The following LRRC8C variants were observed in gnomAD, a reference collection of about 807,000 sequenced individuals.
The protein encoded by LRRC8C is volume-regulated anion channel subunit LRRC8C.
Under a neutral mutation model 55.3 loss-of-function variants are expected in LRRC8C, and 20 were observed. That is an observed-to-expected ratio of 0.36 (90% CI 0.25 to 0.53). The LOEUF (loss-of-function observed/expected upper bound fraction) is 0.53, where lower values mean the gene tolerates loss of function less well. Among genes scored for constraint, LRRC8C ranks in the 20% least tolerant of loss-of-function variants. The pLI is 0.92. For synonymous variants in LRRC8C, 376 were observed against 360.7 expected (o/e 1.04, Z -0.48); for missense variants, 659 against 951.4 (o/e 0.69, Z 4.04).
At chr1:89,646,392 A>G (rs1438084952) in intron 1 of LRRC8C, among the ~76,000 whole-genome samples, 2 of 152,156 alleles carry the variant, frequency 1.3e-5, no homozygotes, top group Non-Finnish European at 2.9e-5. Context: ...ACAAAGCCTG[A>G]CAGAAATTTT....
intron 2 of LRRC8C, among the ~76,000 whole-genome samples, chr1:89,694,370 G>C (rs1658107122): frequency 6.6e-6 from 1 of 152,032 alleles, no homozygotes; most frequent in South Asian, 2.1e-4. Flanking sequence ...TAAGACTTGT[G>C]GGGCATGGTA....
rs181268814 is a variant in LRRC8C, at chr1:89,637,785, A to G, written c.-5+4463A>G. Among the ~76,000 whole-genome samples, 544 of 152,312 alleles carry G rather than the reference A, an allele frequency of 3.6e-3. 4 individuals carry two copies. Among genetic ancestry groups the G allele is most frequent in the Non-Finnish European group, 3.7e-3 (251 of 68,020 alleles). Reference sequence around the variant, plus strand: ...AATGATTACAAGATAGAAAATGTCTAAGCTCTTTTCCAATAGCAGGCATAA... The same window carrying G: ...AATGATTACAAGATAGAAAATGTCTGAGCTCTTTTCCAATAGCAGGCATAA... On this transcript the variant is annotated intron_variant, in intron 1 of 2. Transcript: ENST00000370454.
intron 2 of LRRC8C, among the ~76,000 whole-genome samples, chr1:89,701,537 G>A (rs1658324911): frequency 1.3e-5 from 2 of 151,904 alleles, no homozygotes; most frequent in African/African-American, 4.8e-5. Context: ...CGAGGATATA[G>A]GAAAGTAAGT....
chr1:89,663,297 G>A (rs1331793496), intron 1 of LRRC8C, among the ~76,000 whole-genome samples: 7 of 152,134 alleles, frequency 4.6e-5, no homozygotes, highest in African/African-American at 1.2e-4. Flanking sequence ...GTGGCCGGAC[G>A]CGGTGGCTCA....
intron 2 of LRRC8C, among the ~76,000 whole-genome samples, chr1:89,694,616 G>T: frequency 8.6e-6 from 1 of 116,464 alleles, no homozygotes; most frequent in Non-Finnish European, 1.7e-5. Context: ...TTGAGATGGA[G>T]TCTCACTCTG....
At chr1:89,676,532 C>T (rs903909212) in intron 1 of LRRC8C, 3 of 152,134 alleles carry the variant, frequency 2.0e-5, no homozygotes, top group East Asian at 1.9e-4. Context: ...GGGATAATAA[C>T]GTAATGAAAG....
rs906449897 is a variant in LRRC8C, at chr1:89,634,848, G to A, written c.-5+1526G>A. Among the ~76,000 whole-genome samples, 6 of 152,130 alleles carry A rather than the reference G, an allele frequency of 3.9e-5. 1 individual carries two copies. Among genetic ancestry groups the A allele is most frequent in the South Asian group, 2.1e-4 (1 of 4,822 alleles). On this transcript the variant is annotated intron_variant, in intron 1 of 2. Coordinates refer to ENST00000370454, the MANE Select transcript of LRRC8C (RefSeq NM_032270.5). Reference sequence around the variant, plus strand: ...GTTTGCTTTACTCTGGAGTGATTAAGTTCTGTCTTGGGGTCAGTTTGTTTC... The same window carrying A: ...GTTTGCTTTACTCTGGAGTGATTAAATTCTGTCTTGGGGTCAGTTTGTTTC...
At chr1:89,640,255 C>T (rs1007417080) in intron 1 of LRRC8C, among the ~76,000 whole-genome samples, 5 of 152,120 alleles carry the variant, frequency 3.3e-5, no homozygotes, top group African/African-American at 4.8e-5. Context: ...AGTAGAGACA[C>T]GGTTTCACCA....
intron 1 of LRRC8C, among the ~76,000 whole-genome samples, chr1:89,674,862 T>C (rs1321877650): frequency 6.6e-6 from 1 of 152,238 alleles, no homozygotes; most frequent in Non-Finnish European, 1.5e-5. Context: ...ATGATCATAC[T>C]CTAAACCCAT....
At chr1:89,638,050 T>C (rs1656344150) in intron 1 of LRRC8C, among the ~76,000 whole-genome samples, 1 of 152,102 alleles carries the variant, frequency 6.6e-6, no homozygotes, top group Admixed American at 6.5e-5. Flanking sequence ...GAAATCAATT[T>C]TAAGAAAAAT....
At chr1:89,621,311 A>G in the LRRC8C span, among the ~76,000 whole-genome samples, 14,075 of 151,034 alleles carry the variant, frequency 0.093, 2,198 homozygotes, top group African/African-American at 0.32. Flanking sequence ...AAAAAAAAAA[A>G]AAAAAAAATT....
chr1:89,656,352 G>T (rs1380835293), intron 1 of LRRC8C, among the ~76,000 whole-genome samples: 1 of 152,172 alleles, frequency 6.6e-6, no homozygotes. Context: ...TCAGGTGTGG[G>T]GTGGGGATGG....
chr1:89,683,208 T>C (rs1657770416), intron 1 of LRRC8C, among the ~76,000 whole-genome samples: 1 of 152,210 alleles, frequency 6.6e-6, no homozygotes, highest in African/African-American at 2.4e-5. Flanking sequence ...TAGGATGAAA[T>C]GTGTCAACAT....
At chr1:89,631,655 T>G (rs1656111282), upstream of LRRC8C, 1 of 152,026 alleles carries the variant, frequency 6.6e-6, no homozygotes, top group African/African-American at 2.4e-5. Flanking sequence ...CCAGAGACTC[T>G]CTAGGAATTT....
intron 1 of LRRC8C, among the ~76,000 whole-genome samples, chr1:89,674,225 C>T (rs1384589932): frequency 6.6e-6 from 1 of 152,102 alleles, no homozygotes; most frequent in Non-Finnish European, 1.5e-5. Context: ...GAATATTTTT[C>T]GTATAGATGT....
intron 2 of LRRC8C, among the ~76,000 whole-genome samples, chr1:89,706,715 G>C (rs1658491372): frequency 6.6e-6 from 1 of 152,118 alleles, no homozygotes; most frequent in Non-Finnish European, 1.5e-5. Context: ...TTTTCAGGCA[G>C]GTTTGGATGG....
chr1:89,655,178 T>C (rs553290245), intron 1 of LRRC8C, among the ~76,000 whole-genome samples: 4 of 152,334 alleles, frequency 2.6e-5, no homozygotes, highest in African/African-American at 9.6e-5. Flanking sequence ...TCTGTTTTTT[T>C]TCTACTTTAA....
At chr1:89,695,518 A>G (rs1337822444) in intron 2 of LRRC8C, among the ~76,000 whole-genome samples, 1 of 152,228 alleles carries the variant, frequency 6.6e-6, no homozygotes, top group Non-Finnish European at 1.5e-5. Flanking sequence ...AAAATGCTTA[A>G]TGCAAGCTGA....
At chr1:89,676,027 A>C (rs1033359323) in intron 1 of LRRC8C, among the ~76,000 whole-genome samples, 2 of 152,210 alleles carry the variant, frequency 1.3e-5, no homozygotes, top group African/African-American at 4.8e-5. Flanking sequence ...CTGAATTTAA[A>C]TGTACTTGAA....
Sources: allele counts gnomAD v4.1 joint callset (sites outside exome capture counted in the v4.1 genomes callset), GRCh38; gene constraint gnomAD v4.1.1; transcripts MANE v1.5; gene names NCBI Gene and HGNC (gene_info 2026-07-23, HGNC 2026-07-21).